TRAM2: variants seen among roughly 807,000 people sequenced by gnomAD.
The protein encoded by TRAM2 is translocating chain-associated membrane protein 2.
In TRAM2, 12 loss-of-function variants were observed where a neutral mutation model predicts 51.0. The ratio of observed to expected loss-of-function variants is 0.24; its 90% CI spans 0.15 to 0.38. TRAM2 has a LOEUF of 0.38. TRAM2 is among the 10% of genes least tolerant of loss of function. The probability of loss-of-function intolerance (pLI) is 1.00; values close to 1 mark genes in which losing one functional copy is unlikely to be tolerated. For synonymous variants in TRAM2, 175 were observed against 179.4 expected (o/e 0.98, Z 0.20); for missense variants, 361 against 462.0 (o/e 0.78, Z 2.00).
At chr6:52,557,192 C>CAAAAAAAAGAAA (rs1767425680) in intron 1 of TRAM2, among the ~76,000 whole-genome samples, 1 of 140,092 alleles carries the variant, frequency 7.1e-6, no homozygotes, top group Non-Finnish European at 1.6e-5. Context: ...AACTCTGTCT[C>CAAAAAAAAGAAA]AAAAAAAAAA....
chr6:52,511,174 G>T (rs1766445516), intron 4 of TRAM2, among the ~76,000 whole-genome samples: 1 of 152,218 alleles, frequency 6.6e-6, no homozygotes, highest in African/African-American at 2.4e-5. Flanking sequence ...CACGATCTCA[G>T]CTCACTGCAA....
At chr6:52,558,447 T>C (rs1415384068) in intron 1 of TRAM2, among the ~76,000 whole-genome samples, 1 of 152,066 alleles carries the variant, frequency 6.6e-6, no homozygotes, top group African/African-American at 2.4e-5. Flanking sequence ...TCAATAACTG[T>C]GGAATGAACT....
At position 52,502,979 on chromosome 6, in the gene TRAM2, GAGAA is replaced by G. The variant is rs1766264194; in HGVS notation, c.*214_*217del. On this transcript the variant is annotated 3_prime_UTR_variant, in exon 11 of 11. Coordinates refer to ENST00000182527, the MANE Select transcript of TRAM2 (RefSeq NM_012288.4). The stretch of plus-strand genomic sequence containing the variant: ...CAGGAGGTGGCCTGAGGGGGAGAAA[GAGAA>G]AGATTTTTGGCTTTATTGAGAATGG... The G allele has an allele frequency of 1.0e-5, 6 of 598,884 alleles. No homozygotes were observed. In the South Asian group the frequency reaches 1.2e-4, roughly 12 times the overall value. 37.1% of individuals were successfully genotyped at this position (598,884 alleles called of 1,614,324 possible). A position where few individuals can be genotyped will look rare whatever the true frequency, so the allele number is the denominator to read the frequency against.
intron 8 of TRAM2, 134 bp from the exon 9 acceptor site, chr6:52,505,876 T>C: frequency 2.1e-6 from 3 of 1,407,208 alleles, no homozygotes; most frequent in Admixed American, 2.3e-5. Flanking sequence ...GGACGAGATA[T>C]CTAAAATCAG....
intron 1 of TRAM2, among the ~76,000 whole-genome samples, chr6:52,539,376 G>A (rs1205642937): frequency 6.6e-6 from 1 of 152,204 alleles, no homozygotes; most frequent in Non-Finnish European, 1.5e-5. Context: ...CAAAGAAGCT[G>A]ATTTGGGGGT....
Position 52,507,268 on chromosome 6 carries a change from C to A in TRAM2, c.626+285G>T, listed in dbSNP as rs73447906. 7.5e-3 allele frequency among the ~76,000 whole-genome samples: 1,149 copies of A among 152,328 alleles called. 13 individuals are homozygous for A. Among genetic ancestry groups the A allele is most frequent in the African/African-American group, 0.026 (1,066 of 41,568 alleles). ...CCACTGGAAGTCTTCCTGGCTGTCTCTGTTGAGGGTCTTCTTCTGGGTTGC... is the reference window on the plus strand; with the variant it reads ...CCACTGGAAGTCTTCCTGGCTGTCTATGTTGAGGGTCTTCTTCTGGGTTGC... On this transcript the variant is annotated intron_variant, in intron 7 of 10. Coordinates refer to ENST00000182527, the MANE Select transcript of TRAM2 (RefSeq NM_012288.4).
intron 1 of TRAM2, among the ~76,000 whole-genome samples, chr6:52,572,535 G>A (rs553486865): frequency 1.2e-4 from 19 of 152,310 alleles, no homozygotes; most frequent in African/African-American, 2.9e-4. Context: ...CCTGGGAGGC[G>A]GAGGCTGCAG....
intron 1 of TRAM2, among the ~76,000 whole-genome samples, chr6:52,557,700 C>T (rs1334981577): frequency 6.6e-6 from 1 of 152,108 alleles, no homozygotes; most frequent in Non-Finnish European, 1.5e-5. Flanking sequence ...GAAGAAGAGC[C>T]TGTGAGTTAA....
intron 1 of TRAM2, among the ~76,000 whole-genome samples, chr6:52,539,204 A>G (rs2114089086): frequency 6.6e-6 from 1 of 152,174 alleles, no homozygotes; most frequent in East Asian, 1.9e-4. Context: ...GCAGCAGAAA[A>G]ATGCAAAAAA....
intron 1 of TRAM2, among the ~76,000 whole-genome samples, chr6:52,565,984 TAACAA>T (rs775367595): frequency 4.6e-5 from 7 of 152,222 alleles, no homozygotes; most frequent in Non-Finnish European, 1.0e-4. Flanking sequence ...CTTATTTAGC[TAACAA>T]AACAAAAGAT....
chr6:52,543,440 T>C (rs1767140937), intron 1 of TRAM2, among the ~76,000 whole-genome samples: 1 of 152,272 alleles, frequency 6.6e-6, no homozygotes, highest in Non-Finnish European at 1.5e-5. Context: ...TGTGTTTGGA[T>C]ATGAGTAAAA....
At chr6:52,536,019 C>A (rs1379098794) in intron 1 of TRAM2, among the ~76,000 whole-genome samples, 173 bp from the exon 2 acceptor site, 2 of 152,170 alleles carry the variant, frequency 1.3e-5, no homozygotes, top group African/African-American at 4.8e-5. Context: ...TAATGACATA[C>A]CTCTCAATAC....
In TRAM2 at chr6:52,503,135, C is replaced by CT. The variant is rs1766268216; in HGVS notation, c.*61dup. 7.1e-7 allele frequency: 1 copy of CT among 1,404,366 alleles called. No individual in the cohort carries two copies. Among genetic ancestry groups the CT allele is most frequent in the East Asian group, 2.3e-5 (1 of 43,870 alleles). The allele number at this position is 1,404,366 out of a possible 1,614,324, so 87.0% of individuals were successfully genotyped here. On this transcript the variant is annotated 3_prime_UTR_variant, in exon 11 of 11. Transcript: ENST00000182527. ...AGGAAGGAGGAGGCAGGGAGGGGGC[C>CT]TGGGCTCCTTGCCCCCTGCTCGGCC...
chr6:52,509,323 C>T (rs1766406188), intron 5 of TRAM2, among the ~76,000 whole-genome samples: 1 of 152,196 alleles, frequency 6.6e-6, no homozygotes, highest in Admixed American at 6.5e-5. Context: ...GGAGCCAGCA[C>T]AGATGGAATT....
chr6:52,561,805 A>G (rs1022872343), intron 1 of TRAM2, among the ~76,000 whole-genome samples: 10 of 151,802 alleles, frequency 6.6e-5, no homozygotes, highest in African/African-American at 2.4e-4. Context: ...ACGGAGTTTC[A>G]CTGTTTTGCC....
chr6:52,509,741 G>A (rs140358082), intron 4 of TRAM2, among the ~76,000 whole-genome samples, 155 bp from the exon 5 acceptor site: 1 of 152,238 alleles, frequency 6.6e-6, no homozygotes, highest in Non-Finnish European at 1.5e-5. Context: ...CTCTGTGTGG[G>A]ACCCCTGGCG....
At chr6:52,565,755 T>A (rs1010363185) in intron 1 of TRAM2, among the ~76,000 whole-genome samples, 1 of 152,246 alleles carries the variant, frequency 6.6e-6, no homozygotes, top group Admixed American at 6.5e-5. Context: ...TAGATCTCAG[T>A]ACATAGCGAG....
intron 2 of TRAM2, among the ~76,000 whole-genome samples, chr6:52,520,292 C>A (rs559800733): frequency 6.6e-6 from 1 of 152,134 alleles, no homozygotes; most frequent in East Asian, 1.9e-4. Flanking sequence ...GCAAGACATG[C>A]GGACTGTACC....
chr6:52,543,081 G>C (rs1767133314), intron 1 of TRAM2, among the ~76,000 whole-genome samples: 1 of 152,134 alleles, frequency 6.6e-6, no homozygotes, highest in South Asian at 2.1e-4. Context: ...CCTTCTACGT[G>C]CTTTATAGAT....
Sources: allele counts gnomAD v4.1 joint callset (sites outside exome capture counted in the v4.1 genomes callset), GRCh38; gene constraint gnomAD v4.1.1; transcripts MANE v1.5; gene names NCBI Gene and HGNC (gene_info 2026-07-23, HGNC 2026-07-21).